The following KLRG2 variants were observed in gnomAD, a reference collection of about 807,000 sequenced individuals.
KLRG2 encodes the protein killer cell lectin-like receptor subfamily G member 2.
KLRG2 carries 39 observed loss-of-function variants against 35.4 expected under a neutral mutation model. The ratio of observed to expected loss-of-function variants is 1.10; its 90% CI spans 0.85 to 1.44. The LOEUF is 1.44. Among genes scored for constraint, KLRG2 ranks in the 40% most tolerant of loss-of-function variants. The probability of loss-of-function intolerance (pLI) is 0.00; values close to 1 mark genes in which losing one functional copy is unlikely to be tolerated. For missense variants in KLRG2, 632 were observed against 570.9 expected, an observed-to-expected ratio of 1.11 and a Z score of -1.09; for synonymous variants, 283 against 265.8, an observed-to-expected ratio of 1.06 and a Z score of -0.63.
At chr7:139,451,498 CA>C (rs200220049), downstream of KLRG2, among the ~76,000 whole-genome samples, 4 of 150,242 alleles carry the variant, frequency 2.7e-5, no homozygotes, top group East Asian at 5.8e-4. Context: ...GACTCGGCCT[CA>C]AAAAAAAATT....
At chr7:139,445,797 G>GTATATATATATATATGTA in the KLRG2 span, among the ~76,000 whole-genome samples, 14 of 99,044 alleles carry the variant, frequency 1.4e-4, 3 homozygotes, top group African/African-American at 1.1e-3. Flanking sequence ...ATATATGTGT[G>GTATATATATATATATGTA]TATATATATA....
At chr7:139,479,563 C>T in intron 3 of KLRG2, 64 bp downstream of exon 3, 1 of 1,481,376 alleles carries the variant, frequency 6.8e-7, no homozygotes. Context: ...AGCTTCTTTC[C>T]AGTGCTAGGA....
chr7:139,458,229 T>C (rs1356854199), intron 3 of KLRG2, among the ~76,000 whole-genome samples: 1 of 151,862 alleles, frequency 6.6e-6, no homozygotes, highest in Non-Finnish European at 1.5e-5. Context: ...AATACAAATA[T>C]TAACCAGGTG....
chr7:139,433,618 G>T, the KLRG2 span, among the ~76,000 whole-genome samples: 3 of 142,840 alleles, frequency 2.1e-5, no homozygotes, highest in Non-Finnish European at 3.0e-5. Flanking sequence ...GAACCACTGC[G>T]CCCGGCCTTT....
the KLRG2 span, among the ~76,000 whole-genome samples, chr7:139,431,436 G>C: frequency 6.9e-6 from 1 of 144,902 alleles, no homozygotes; most frequent in African/African-American, 2.6e-5. Flanking sequence ...TTTTTTTCCT[G>C]TTGGCAGTAT....
At chr7:139,474,663 A>T (rs367730430) in intron 3 of KLRG2, among the ~76,000 whole-genome samples, 5 of 152,300 alleles carry the variant, frequency 3.3e-5, no homozygotes, top group South Asian at 2.1e-4. Context: ...TGGGAGGCTG[A>T]GGCAGGAGAA....
the KLRG2 span, among the ~76,000 whole-genome samples, chr7:139,439,936 A>G: frequency 6.6e-6 from 1 of 152,228 alleles, no homozygotes; most frequent in Non-Finnish European, 1.5e-5. Context: ...TCTGGAAGTC[A>G]GAGTCCAAAA....
chr7:139,483,330 G>T lies in KLRG2; in HGVS notation c.313C>A (p.Arg105=). 6.5e-7 allele frequency: 1 copy of T among 1,545,308 alleles called. No homozygotes were observed. Among genetic ancestry groups the T allele is most frequent in the Non-Finnish European group, 8.7e-7 (1 of 1,155,802 alleles). ...SPGPALVKLP[R]NGEAPGAEPA... is the part of the protein sequence containing the mutation. ...TCAGCCCCGGGCGCCTCGCCATTCC[G>T]GGGCAGCTTGACCAAGGCAGGGCCC... The change falls in exon 1 of 5, where the codon CGG becomes AGG. Residue 105 remains arginine (R), a synonymous_variant. Coordinates refer to ENST00000340940, the MANE Select transcript of KLRG2 (RefSeq NM_198508.4).
intron 3 of KLRG2, among the ~76,000 whole-genome samples, chr7:139,478,619 G>A (rs1350599367): frequency 1.3e-5 from 2 of 151,072 alleles, no homozygotes; most frequent in Admixed American, 6.6e-5. Flanking sequence ...GCAGTGAGCC[G>A]AGATTATGCC....
At chr7:139,431,591 C>T in the KLRG2 span, among the ~76,000 whole-genome samples, 1 of 152,164 alleles carries the variant, frequency 6.6e-6, no homozygotes, top group Non-Finnish European at 1.5e-5. Context: ...CAGAGCTGCT[C>T]TTCTGTGGCC....
intron 3 of KLRG2, among the ~76,000 whole-genome samples, chr7:139,471,543 C>T (rs1202800633): frequency 6.6e-6 from 1 of 152,108 alleles, no homozygotes; most frequent in South Asian, 2.1e-4. Context: ...TGCCTGTAAC[C>T]CCAGCTACTC....
the KLRG2 span, among the ~76,000 whole-genome samples, chr7:139,439,637 T>C: frequency 6.6e-6 from 1 of 152,160 alleles, no homozygotes; most frequent in Non-Finnish European, 1.5e-5. Context: ...AGTAGTTCCC[T>C]GCTTCCTCCC....
chr7:139,445,172 C>T, the KLRG2 span, among the ~76,000 whole-genome samples: 1 of 151,962 alleles, frequency 6.6e-6, no homozygotes, highest in African/African-American at 2.4e-5. Flanking sequence ...TCTCTGCCTC[C>T]CATGTTGAAG....
intron 3 of KLRG2, among the ~76,000 whole-genome samples, chr7:139,469,957 T>C (rs1796728545): frequency 6.6e-6 from 1 of 152,182 alleles, no homozygotes. Flanking sequence ...CATAAGGATA[T>C]TCCCTACATA....
At chr7:139,459,985 C>G (rs1396014999) in intron 3 of KLRG2, among the ~76,000 whole-genome samples, 1 of 152,148 alleles carries the variant, frequency 6.6e-6, no homozygotes, top group Non-Finnish European at 1.5e-5. Flanking sequence ...CTCTTGACCT[C>G]ATGATCCGCC....
At chr7:139,472,564 G>T (rs1033931197) in intron 3 of KLRG2, among the ~76,000 whole-genome samples, 3 of 150,428 alleles carry the variant, frequency 2.0e-5, no homozygotes, top group Non-Finnish European at 4.4e-5. Context: ...GGGAAACATA[G>T]TAAGACCCCG....
chr7:139,453,891 A>G (rs1419467559), intron 4 of KLRG2, among the ~76,000 whole-genome samples, 184 bp from the exon 5 acceptor site: 1 of 152,088 alleles, frequency 6.6e-6, no homozygotes, highest in East Asian at 1.9e-4. Flanking sequence ...CTGACCCCGC[A>G]TCTGTAAAAT....
Position 139,453,482 on chromosome 7 carries a change from C to T in KLRG2, c.*105G>A. The T allele has an allele frequency of 8.0e-7, 1 of 1,249,368 alleles. No homozygotes were observed. The highest frequency in any genetic ancestry group is 1.1e-6 in the Non-Finnish European group (1 of 900,316). The allele number at this position is 1,249,368 out of a possible 1,614,324, so 77.4% of individuals were successfully genotyped here. On this transcript the variant is annotated 3_prime_UTR_variant, in exon 5 of 5. Coordinates refer to ENST00000340940, the MANE Select transcript of KLRG2 (RefSeq NM_198508.4). ...GGCCCCCTTGAGCAGAGCATGAAGA[C>T]CTGGATAACTGGGTCCAGGAAGAGG...
At chr7:139,450,923 T>C (rs1569408049), downstream of KLRG2, among the ~76,000 whole-genome samples, 2 of 152,190 alleles carry the variant, frequency 1.3e-5, no homozygotes, top group Non-Finnish European at 2.9e-5. Flanking sequence ...ATCTAGCTTA[T>C]GTGGTCCTTT....
Sources: allele counts gnomAD v4.1 joint callset (sites outside exome capture counted in the v4.1 genomes callset), GRCh38; gene constraint gnomAD v4.1.1; transcripts MANE v1.5; gene names NCBI Gene and HGNC (gene_info 2026-07-23, HGNC 2026-07-21).